Variants in HUWE1 observed in about 807,000 individuals in gnomAD.
HUWE1 encodes E3 ubiquitin-protein ligase HUWE1.
HUWE1 carries 18 observed loss-of-function variants against 299.4 expected under a neutral mutation model. The observed-to-expected ratio is 0.06, with a 90% CI of 0.04 to 0.09. The LOEUF is 0.09. HUWE1 is among the 10% of genes least tolerant of loss of function. The pLI, the probability that HUWE1 is intolerant of heterozygous loss-of-function variation, is 1.00. For missense variants in HUWE1, 1,832 were observed against 3,462.3 expected (o/e 0.53, Z 11.82); for synonymous variants, 1,317 against 1,286.1 (o/e 1.02, Z -0.51).
At chrX:53,685,295 TGCATCAACTGTATAAACCAATATA>T (rs1557055270) in intron 2 of HUWE1, among the ~76,000 whole-genome samples, 3 of 112,197 alleles carry the variant, frequency 2.7e-5, no homozygotes, top group Non-Finnish European at 3.8e-5. Flanking sequence ...TTATTGAAAT[TGCATCAACTGTATAAACCAATATA>T]GGAAAAATGG....
chrX:53,625,805 A>G (rs1297231729), intron 17 of HUWE1: 4 of 122,779 alleles, frequency 3.3e-5, no homozygotes, highest in Middle Eastern at 6.9e-4. Context: ...GGCCAGGGCC[A>G]GGGCCGGGGC....
chrX:53,552,487 G>A lies in HUWE1; in HGVS notation c.8751-46C>T, dbSNP rs184593170. ...GTTGCTGTCTGTATTATGTCTTCTC[G>A]TTTATAAAACACTGCTACAATACCC... On this transcript the variant is annotated intron_variant, in intron 62 of 83. Coordinates refer to ENST00000262854, the MANE Select transcript of HUWE1 (RefSeq NM_031407.7). The A allele has an allele frequency of 6.3e-3, 7,648 of 1,205,972 alleles. 51 individuals are homozygous for A. The highest frequency in any genetic ancestry group is 0.023 in the Middle Eastern group (101 of 4,350).
At chrX:53,619,590 G>GAAAAAAAAAAAAAAAAAAAAAAAA (rs35685121) in intron 19 of HUWE1, among the ~76,000 whole-genome samples, 2 of 41,164 alleles carry the variant, frequency 4.9e-5, no homozygotes, top group African/African-American at 8.1e-5. Flanking sequence ...AGAAATAGAA[G>GAAAAAAAAAAAAAAAAAAAAAAAA]AAAAAAAAAA....
At position 53,561,900 on chromosome X, in the gene HUWE1, C is replaced by T; in HGVS notation, c.7363G>A (p.Asp2455Asn). The part of the protein sequence containing the change: ...DQEDDEGEEG[D>N]EDDDDDGSEM... ...GAGCCATCGTCGTCATCGTCTTCAT[C>T]TCCCTCTTCACCTTCATCATCCTCC... The change falls in exon 55 of 84, where the codon GAT becomes AAT. Residue 2455 changes from aspartate (D) to asparagine (N), a missense_variant. Physicochemically the swap from Asp to Asn is conservative, Grantham distance 23 (BLOSUM62 1). This residue lies in a region of HUWE1 where 170 missense variants were observed against 335.8 expected (regional missense o/e 0.51). Transcript: ENST00000262854. 1 of 1,211,394 alleles carries T rather than the reference C, an allele frequency of 8.3e-7. No individual in the cohort carries two copies. Among genetic ancestry groups the T allele is most frequent in the Non-Finnish European group, 1.1e-6 (1 of 895,208 alleles).
rs1556958221 is a variant in HUWE1, at chrX:53,575,793, G to A, written c.5885-5C>T. ...GTTTAGGATCAGATTTATCTGCTAGGAAAACAGTAACAACCATCAAAAACA... is the reference window on the plus strand; with the variant it reads ...GTTTAGGATCAGATTTATCTGCTAGAAAAACAGTAACAACCATCAAAAACA... On this transcript the variant is annotated splice_polypyrimidine_tract_variant and splice_region_variant and intron_variant, in intron 44 of 83. Transcript: ENST00000262854. 3.3e-6 allele frequency: 4 copies of A among 1,210,478 alleles called. No homozygotes were observed. In the South Asian group the frequency reaches 7.0e-5, roughly 21 times the overall value.
At position 53,607,591 on chromosome X, in the gene HUWE1, T is replaced by C; in HGVS notation, c.2428A>G (p.Asn810Asp). The C allele has an allele frequency of 1.7e-6, 2 of 1,210,944 alleles. No homozygotes were observed. Among genetic ancestry groups the C allele is most frequent in the Non-Finnish European group, 2.2e-6 (2 of 894,497 alleles). The stretch of plus-strand genomic sequence containing the variant: ...GATGTGGGAAAGTCAATGGGCAGAT[T>C]GGGAAGACCCAAAATGGTAACCAAA... ...LPLVTILGLP[N>D]LPIDFPTSAA... The change falls in exon 25 of 84, where the codon AAT becomes GAT. Residue 810 changes from asparagine (N) to aspartate (D), a missense_variant. Asn to Asp is a conservative substitution (Grantham distance 23). Coordinates refer to ENST00000262854, the MANE Select transcript of HUWE1 (RefSeq NM_031407.7).
chrX:53,678,208 T>C (rs1450071995), intron 3 of HUWE1, among the ~76,000 whole-genome samples: 1 of 112,120 alleles, frequency 8.9e-6, no homozygotes, highest in Non-Finnish European at 1.9e-5. Flanking sequence ...AAGTTGAAAA[T>C]GCTCAGGTTA....
chrX:53,673,735 CA>C (rs2069670152), intron 3 of HUWE1, among the ~76,000 whole-genome samples: 1 of 111,266 alleles, frequency 9.0e-6, no homozygotes, highest in Admixed American at 9.5e-5. Flanking sequence ...TCCAACTCCA[CA>C]AAAAAATGTA....
chrX:53,597,281 G>T (rs1354971464), intron 29 of HUWE1, among the ~76,000 whole-genome samples: 1 of 109,109 alleles, frequency 9.2e-6, no homozygotes, highest in Non-Finnish European at 1.9e-5. Context: ...ATTGAGAAAG[G>T]GTATCTGCCT....
chrX:53,606,106 A>G (rs1224802286), intron 25 of HUWE1, among the ~76,000 whole-genome samples: 7 of 112,217 alleles, frequency 6.2e-5, no homozygotes, highest in Admixed American at 2.8e-4. Context: ...ACAAAAAAAG[A>G]GAAGCTGAAC....
intron 7 of HUWE1, among the ~76,000 whole-genome samples, chrX:53,644,780 AGAAGTTGCCT>A (rs1175475624): frequency 8.9e-6 from 1 of 112,278 alleles, no homozygotes; most frequent in Non-Finnish European, 1.9e-5. Flanking sequence ...GTATGTATTA[AGAAGTTGCCT>A]CTGGGAACAC....
At chrX:53,546,199 G>C (rs1397547957) in intron 70 of HUWE1, among the ~76,000 whole-genome samples, 5 of 111,187 alleles carry the variant, frequency 4.5e-5, no homozygotes, top group Non-Finnish European at 9.4e-5. Flanking sequence ...AAGCACCACT[G>C]TGTGCCGGGC....
At chrX:53,656,277 G>C (rs2068739902) in intron 3 of HUWE1, among the ~76,000 whole-genome samples, 1 of 110,318 alleles carries the variant, frequency 9.1e-6, no homozygotes, top group Non-Finnish European at 1.9e-5. Flanking sequence ...TTGGGAGGCT[G>C]AGGCAGAAGA....
intron 3 of HUWE1, among the ~76,000 whole-genome samples, chrX:53,663,441 A>G (rs2069107019): frequency 9.0e-6 from 1 of 110,744 alleles, no homozygotes; most frequent in African/African-American, 3.3e-5. Flanking sequence ...TAAACCCGGG[A>G]GGCGGAGGTT....
rs1602501122 is a variant in HUWE1, at chrX:53,538,233, C to T, written c.11996+104G>A. On this transcript the variant is annotated intron_variant, in intron 77 of 83. Coordinates refer to ENST00000262854, the MANE Select transcript of HUWE1 (RefSeq NM_031407.7). Reference sequence around the variant, plus strand: ...CTCCTCACCACCACCATTCCAAGTGCTGTCACCAAAGGAAATTTGTGGCCT... The same window carrying T: ...CTCCTCACCACCACCATTCCAAGTGTTGTCACCAAAGGAAATTTGTGGCCT... 1.8e-5 allele frequency: 10 copies of T among 571,000 alleles called. 1 individual carries two copies. The East Asian group carries it at 3.0e-4, about 17-fold the overall frequency. The allele number at this position is 571,000 out of a possible 1,213,427, so 47.1% of individuals were successfully genotyped here. A position where few individuals can be genotyped will look rare whatever the true frequency, so the allele number is the denominator to read the frequency against.
At position 53,667,463 on chromosome X, in the gene HUWE1, C is replaced by CCTAT. The variant is rs1278813057; in HGVS notation, c.-25+12582_-25+12585dup. 2.7e-5 allele frequency among the ~76,000 whole-genome samples: 3 copies of CCTAT among 111,605 alleles called. No homozygotes were observed. In the South Asian group the frequency reaches 1.1e-3, roughly 41 times the overall value. ...CATGCTTGCAATATTTACATTAGAG[C>CCTAT]CTATAGTTGGGCAAAATCATCTAAC... On this transcript the variant is annotated intron_variant, in intron 3 of 83. Coordinates refer to ENST00000262854, the MANE Select transcript of HUWE1 (RefSeq NM_031407.7).
Position 53,551,001 on chromosome X carries a change from G to A in HUWE1, c.9285C>T (p.Ala3095=), listed in dbSNP as rs782669341. 5 of 1,211,493 alleles carry A rather than the reference G, an allele frequency of 4.1e-6. No homozygotes were observed. The South Asian group carries it at 8.8e-5, about 21-fold the overall frequency. ...MPPDIAAEAQ[A]LRREQEARQR... is the part of the protein sequence containing the mutation. ...GCCGGGCTTCTTGCTCTCGTCTCAG[G>A]GCTTGAGCCTCAGCTGCAATGTCAG... is the stretch of plus-strand genomic sequence containing the variant. The change falls in exon 65 of 84, where the codon GCC becomes GCT. Residue 3095 remains alanine (A), a synonymous_variant. Transcript: ENST00000262854.
chrX:53,535,571 C>T (rs1365360482), intron 80 of HUWE1, 70 bp from the exon 81 acceptor site: 2 of 689,421 alleles, frequency 2.9e-6, no homozygotes, highest in Non-Finnish European at 4.7e-6. Flanking sequence ...CCTAGGAACA[C>T]ACCCTAAACC....
At chrX:53,639,328 T>C (rs1373112317) in intron 7 of HUWE1, among the ~76,000 whole-genome samples, 6 of 112,071 alleles carry the variant, frequency 5.4e-5, no homozygotes, top group African/African-American at 1.9e-4. Context: ...TCATCTCTTA[T>C]AATATCATAT....
Sources: allele counts gnomAD v4.1 joint callset (sites outside exome capture counted in the v4.1 genomes callset), GRCh38; gene constraint gnomAD v4.1.1; regional missense constraint gnomAD v4.1.1; transcripts MANE v1.5; gene names NCBI Gene and HGNC (gene_info 2026-07-23, HGNC 2026-07-21).